The following IL1RAPL2 variants were observed in gnomAD, a reference collection of about 807,000 sequenced individuals.
IL1RAPL2 encodes interleukin 1 receptor accessory protein like 2.
IL1RAPL2 carries 3 observed loss-of-function variants against 44.1 expected under a neutral mutation model. The ratio of observed to expected loss-of-function variants is 0.07; its 90% CI spans 0.03 to 0.18. IL1RAPL2 has a LOEUF of 0.18. IL1RAPL2 is among the 10% of genes least tolerant of loss of function. IL1RAPL2 has a pLI of 1.00. For missense variants in IL1RAPL2, 391 were observed against 496.4 expected (o/e 0.79, Z 2.02); for synonymous variants, 181 against 178.8 (o/e 1.01, Z -0.10).
At chrX:104,648,351 T>G (rs763973095) in intron 1 of IL1RAPL2, among the ~76,000 whole-genome samples, 1 of 112,445 alleles carries the variant, frequency 8.9e-6, no homozygotes, top group South Asian at 3.7e-4. Context: ...TGTGCATATA[T>G]TTTTATGCAT....
chrX:105,278,242 C>T (rs1221525721), intron 5 of IL1RAPL2, among the ~76,000 whole-genome samples: 2 of 111,251 alleles, frequency 1.8e-5, no homozygotes, highest in Non-Finnish European at 3.8e-5. Flanking sequence ...ATATGGCAAA[C>T]GTGTGCAATC....
At chrX:104,723,812 C>T (rs953446860) in intron 2 of IL1RAPL2, among the ~76,000 whole-genome samples, 3 of 111,040 alleles carry the variant, frequency 2.7e-5, no homozygotes, top group Non-Finnish European at 3.8e-5. Context: ...GCTAGTGTCT[C>T]CCCTGAGTTT....
intron 1 of IL1RAPL2, among the ~76,000 whole-genome samples, chrX:104,632,385 A>G (rs1442530645): frequency 2.5e-4 from 28 of 111,694 alleles, no homozygotes; most frequent in African/African-American, 8.8e-4. Context: ...GAAGAAAGTC[A>G]TTGGTAGCTT....
chrX:104,693,249 A>G (rs1326304636), intron 2 of IL1RAPL2, among the ~76,000 whole-genome samples: 1 of 111,366 alleles, frequency 9.0e-6, no homozygotes. Context: ...GTTAGGAAAA[A>G]ACTGGACCAT....
intron 2 of IL1RAPL2, among the ~76,000 whole-genome samples, chrX:105,035,549 A>G (rs1000935955): frequency 4.4e-5 from 5 of 112,426 alleles, no homozygotes; most frequent in Non-Finnish European, 9.4e-5. Context: ...GAGAGGTCCC[A>G]CAGGGGAATA....
chrX:105,406,517 A>G, intron 5 of IL1RAPL2: 1 of 1,198,754 alleles, frequency 8.3e-7, no homozygotes, highest in Non-Finnish European at 1.1e-6. Flanking sequence ...TAGCAACTCC[A>G]ACCAAGTCAG....
intron 2 of IL1RAPL2, among the ~76,000 whole-genome samples, chrX:105,044,363 C>T (rs189277406): frequency 3.3e-3 from 363 of 110,521 alleles, no homozygotes; most frequent in Middle Eastern, 0.019. Context: ...TCTACTCCAT[C>T]CCTAAACCCC....
At chrX:105,645,639 G>A (rs769671505) in intron 6 of IL1RAPL2, among the ~76,000 whole-genome samples, 9 of 111,789 alleles carry the variant, frequency 8.1e-5, no homozygotes, top group Non-Finnish European at 1.7e-4. Context: ...TGAAGGTTTG[G>A]TTGCTTCATC....
At chrX:105,315,578 GTATATA>G (rs771525814) in intron 5 of IL1RAPL2, among the ~76,000 whole-genome samples, 601 of 21,821 alleles carry the variant, frequency 0.028, 63 homozygotes, top group African/African-American at 0.04. Context: ...ACTAATGGAT[GTATATA>G]TATATATATA....
chrX:105,091,642 T>C (rs954604340), intron 2 of IL1RAPL2, among the ~76,000 whole-genome samples: 4 of 112,186 alleles, frequency 3.6e-5, no homozygotes, highest in African/African-American at 6.5e-5. Flanking sequence ...CTGTCACTTA[T>C]TATGTTAACC....
intron 6 of IL1RAPL2, among the ~76,000 whole-genome samples, chrX:105,539,577 G>T (rs1239658690): frequency 9.0e-6 from 1 of 111,661 alleles, no homozygotes; most frequent in African/African-American, 3.2e-5. Flanking sequence ...AATCGTAGAA[G>T]AAAACCTAGG....
rs138630999 is a variant in IL1RAPL2 at position 105,171,407 on chromosome X, G to T, written c.83-24068G>T. ...GGACTGTGGAAATCAGGAAGAAGGT[G>T]GGGTATGTGGTAGGTGACAGAAACA... On this transcript the variant is annotated intron_variant, in intron 2 of 10. Transcript: ENST00000372582. 5.4e-3 allele frequency among the ~76,000 whole-genome samples: 597 copies of T among 110,754 alleles called. 3 individuals carry two copies. The highest frequency in any genetic ancestry group is 9.6e-3 in the Non-Finnish European group (509 of 52,863).
Position 105,294,490 on chromosome X carries a change from G to C in IL1RAPL2, c.697+26949G>C, listed in dbSNP as rs781777373. 6.0e-4 allele frequency among the ~76,000 whole-genome samples: 67 copies of C among 112,178 alleles called. 1 individual carries two copies. Among genetic ancestry groups the C allele is most frequent in the African/African-American group, 1.9e-3 (58 of 30,958 alleles). On this transcript the variant is annotated intron_variant, in intron 5 of 10. Coordinates refer to ENST00000372582, the MANE Select transcript of IL1RAPL2 (RefSeq NM_017416.2). ...GAGCACTGCCTTTCATGGTCTGTTT[G>C]CTGTGGAACCTCCCATAACTAATTT... is the stretch of plus-strand genomic sequence containing the variant.
chrX:104,865,188 G>T (rs761245105), intron 2 of IL1RAPL2, among the ~76,000 whole-genome samples: 1 of 111,648 alleles, frequency 9.0e-6, no homozygotes, highest in South Asian at 3.8e-4. Context: ...CGCATCCCTG[G>T]AGGGACTGCA....
At chrX:105,306,061 A>T (rs1449557228) in intron 5 of IL1RAPL2, among the ~76,000 whole-genome samples, 1 of 111,754 alleles carries the variant, frequency 8.9e-6, no homozygotes, top group East Asian at 2.8e-4. Context: ...AGCATGATAC[A>T]AGAAACACCT....
intron 2 of IL1RAPL2, among the ~76,000 whole-genome samples, chrX:104,859,167 A>C (rs1922436185): frequency 9.0e-6 from 1 of 111,409 alleles, no homozygotes; most frequent in African/African-American, 3.3e-5. Flanking sequence ...TAAAGAGTTC[A>C]TTGTTCTAGC....
intron 2 of IL1RAPL2, among the ~76,000 whole-genome samples, chrX:104,701,290 T>C (rs927985170): frequency 1.8e-5 from 2 of 111,591 alleles, no homozygotes; most frequent in African/African-American, 6.5e-5. Context: ...TTATCCCCAT[T>C]TTACAGTTGA....
chrX:104,992,799 G>A (rs1421031518), intron 2 of IL1RAPL2, among the ~76,000 whole-genome samples: 1 of 110,482 alleles, frequency 9.1e-6, no homozygotes, highest in Non-Finnish European at 1.9e-5. Context: ...TTTATAATTG[G>A]TTTACAATTA....
Position 104,878,092 on chromosome X carries a change from T to C in IL1RAPL2, c.82+219097T>C, listed in dbSNP as rs191764315. Reference sequence around the variant, plus strand: ...ACTTCACATATCTTTGTGTACATTGTTAGACTGCATGGACTAAGTGTGGTA... The same window carrying C: ...ACTTCACATATCTTTGTGTACATTGCTAGACTGCATGGACTAAGTGTGGTA... On this transcript the variant is annotated intron_variant, in intron 2 of 10. Coordinates refer to ENST00000372582, the MANE Select transcript of IL1RAPL2 (RefSeq NM_017416.2). Among the ~76,000 whole-genome samples, 26 of 111,655 alleles carry C rather than the reference T, an allele frequency of 2.3e-4. No individual in the cohort carries two copies. In the Admixed American group the frequency reaches 2.5e-3, roughly 11 times the overall value.
Sources: allele counts gnomAD v4.1 joint callset (sites outside exome capture counted in the v4.1 genomes callset), GRCh38; gene constraint gnomAD v4.1.1; transcripts MANE v1.5; gene names NCBI Gene and HGNC (gene_info 2026-07-23, HGNC 2026-07-21).